The following SEMA5A variants were observed in gnomAD, a reference collection of about 807,000 sequenced individuals.
SEMA5A encodes the protein semaphorin 5A.
In SEMA5A, 55 loss-of-function variants were observed where a neutral mutation model predicts 135.5. That is an observed-to-expected ratio of 0.41 (90% confidence interval 0.33 to 0.51). The LOEUF (loss-of-function observed/expected upper bound fraction) is 0.51. SEMA5A is among the 20% of genes least tolerant of loss of function. The pLI, the probability that SEMA5A is intolerant of heterozygous loss-of-function variation, is 0.37. For synonymous variants in SEMA5A, 580 were observed against 546.5 expected (o/e 1.06, Z -0.85); for missense variants, 1,290 against 1,419.9 (o/e 0.91, Z 1.47).
chr5:9,069,459 T>G (rs1561122183), intron 16 of SEMA5A, among the ~76,000 whole-genome samples: 1 of 152,226 alleles, frequency 6.6e-6, no homozygotes, highest in East Asian at 1.9e-4. Context: ...ACTGTATTAG[T>G]ATGTTTCCAG....
intron 2 of SEMA5A, among the ~76,000 whole-genome samples, chr5:9,436,820 T>C (rs911984119): frequency 2.6e-5 from 4 of 152,186 alleles, no homozygotes; most frequent in African/African-American, 9.6e-5. Flanking sequence ...CTTCCTCTCT[T>C]CTAGCCTTCC....
At chr5:9,541,885 T>C (rs1738113875) in intron 1 of SEMA5A, among the ~76,000 whole-genome samples, 1 of 152,222 alleles carries the variant, frequency 6.6e-6, no homozygotes. Flanking sequence ...ACCTTTTAGA[T>C]GGCAAAGACT....
chr5:9,138,326 A>G (rs1448384570), intron 12 of SEMA5A, among the ~76,000 whole-genome samples: 1 of 152,180 alleles, frequency 6.6e-6, no homozygotes, highest in Non-Finnish European at 1.5e-5. Context: ...CATACATATA[A>G]GCATGCTTGT....
chr5:9,514,430 A>G (rs568050763), intron 1 of SEMA5A, among the ~76,000 whole-genome samples: 2 of 152,252 alleles, frequency 1.3e-5, no homozygotes, highest in South Asian at 4.1e-4. Flanking sequence ...CTTAATGTCA[A>G]TCATTTAGAA....
chr5:9,127,558 C>T (rs572390309), intron 13 of SEMA5A, among the ~76,000 whole-genome samples: 9 of 152,272 alleles, frequency 5.9e-5, no homozygotes, highest in African/African-American at 1.2e-4. Flanking sequence ...CACCCTGTAC[C>T]GACAAACTGA....
rs1024734009 is a variant in SEMA5A, at chr5:9,191,642, T to C, written c.1069-1171A>G. 4.6e-5 allele frequency among the ~76,000 whole-genome samples: 7 copies of C among 152,234 alleles called. No homozygotes were observed. The South Asian group carries it at 8.3e-4, about 18-fold the overall frequency. ...CTTTTTGAAAAGTAGATGAGATATTTGTATAGCATTTGATAAAATGCTCCA... is the reference window on the plus strand; with the variant it reads ...CTTTTTGAAAAGTAGATGAGATATTCGTATAGCATTTGATAAAATGCTCCA... On this transcript the variant is annotated intron_variant, in intron 10 of 22. Transcript: ENST00000382496.
At chr5:9,252,824 C>A (rs1561073709) in intron 5 of SEMA5A, among the ~76,000 whole-genome samples, 1 of 152,170 alleles carries the variant, frequency 6.6e-6, no homozygotes, top group African/African-American at 2.4e-5. Flanking sequence ...CAGCTCAGAG[C>A]AGGGACACCC....
At chr5:9,394,313 C>A (rs1258433203) in intron 2 of SEMA5A, among the ~76,000 whole-genome samples, 1 of 152,146 alleles carries the variant, frequency 6.6e-6, no homozygotes, top group Non-Finnish European at 1.5e-5. Flanking sequence ...CCAGCTCCCC[C>A]AAGAGTGGTA....
At chr5:9,352,094 C>CTGGG (rs1554023404) in intron 3 of SEMA5A, among the ~76,000 whole-genome samples, 1 of 132,252 alleles carries the variant, frequency 7.6e-6, no homozygotes, top group Non-Finnish European at 1.6e-5. Flanking sequence ...TGTAACAGGT[C>CTGGG]GGGGGGGTTA....
At chr5:9,434,194 AG>A (rs1757952453) in intron 2 of SEMA5A, among the ~76,000 whole-genome samples, 1 of 152,202 alleles carries the variant, frequency 6.6e-6, no homozygotes, top group Non-Finnish European at 1.5e-5. Flanking sequence ...CATTAAAACA[AG>A]GGTTTTTTCT....
At chr5:9,170,946 C>A (rs1235376390) in intron 11 of SEMA5A, among the ~76,000 whole-genome samples, 1 of 152,060 alleles carries the variant, frequency 6.6e-6, no homozygotes, top group Non-Finnish European at 1.5e-5. Context: ...CCTTCCTCGC[C>A]CCCAGACCTA....
At chr5:9,527,764 G>A (rs1048503844) in intron 1 of SEMA5A, among the ~76,000 whole-genome samples, 2 of 152,150 alleles carry the variant, frequency 1.3e-5, no homozygotes, top group African/African-American at 2.4e-5. Context: ...ATTGGACAAA[G>A]TGGGGCATGG....
chr5:9,430,722 A>T (rs1404872900), intron 2 of SEMA5A, among the ~76,000 whole-genome samples: 1 of 152,190 alleles, frequency 6.6e-6, no homozygotes, highest in Non-Finnish European at 1.5e-5. Flanking sequence ...GTGTTGGGTG[A>T]TCTTGACTAG....
intron 8 of SEMA5A, among the ~76,000 whole-genome samples, chr5:9,209,223 G>T (rs1414482233): frequency 6.6e-6 from 1 of 152,138 alleles, no homozygotes; most frequent in Non-Finnish European, 1.5e-5. Flanking sequence ...AAATGTTCTA[G>T]TTCAAAGTGA....
intron 1 of SEMA5A, among the ~76,000 whole-genome samples, chr5:9,469,715 ATCT>A (rs781112549): frequency 3.9e-5 from 6 of 152,144 alleles, no homozygotes; most frequent in Non-Finnish European, 8.8e-5. Flanking sequence ...ATTTTTTTTA[ATCT>A]TCTTCTTCCA....
intron 19 of SEMA5A, 32 bp downstream of exon 19, chr5:9,054,055 G>A (rs1474699377): frequency 1.3e-6 from 2 of 1,573,932 alleles, no homozygotes; most frequent in Non-Finnish European, 1.7e-6. Context: ...CAATTTGTCT[G>A]AAAGCTGTGC....
chr5:9,402,737 A>G lies in SEMA5A; in HGVS notation c.-77-22714T>C, dbSNP rs149800152. Reference sequence around the variant, plus strand: ...TCTCATCCTGCTTTTAATGTTCCCAATACACCATCAGAACTGTATTAAGGG... The same window carrying G: ...TCTCATCCTGCTTTTAATGTTCCCAGTACACCATCAGAACTGTATTAAGGG... On this transcript the variant is annotated intron_variant, in intron 2 of 22. Coordinates refer to ENST00000382496, the MANE Select transcript of SEMA5A (RefSeq NM_003966.3). 1.5e-3 allele frequency among the ~76,000 whole-genome samples: 228 copies of G among 152,336 alleles called. 1 individual carries two copies. Among genetic ancestry groups the G allele is most frequent in the African/African-American group, 4.8e-3 (200 of 41,566 alleles).
At position 9,470,711 on chromosome 5, in the gene SEMA5A, A is replaced by G. The variant is rs562420511; in HGVS notation, c.-174-32859T>C. Among the ~76,000 whole-genome samples the G allele has an allele frequency of 3.3e-5, 5 of 152,280 alleles. No homozygotes were observed. In the East Asian group the frequency reaches 9.7e-4, roughly 29 times the overall value. ...TATGCCATGTTCTCTTATTTCCCTA[A>G]CAGTGACCAGCAACTCTCAAGATGA... On this transcript the variant is annotated intron_variant, in intron 1 of 22. Coordinates refer to ENST00000382496, the MANE Select transcript of SEMA5A (RefSeq NM_003966.3).
chr5:9,519,432 C>G (rs979553461), intron 1 of SEMA5A, among the ~76,000 whole-genome samples: 1 of 152,194 alleles, frequency 6.6e-6, no homozygotes, highest in African/African-American at 2.4e-5. Context: ...GGTTGACAAG[C>G]AAGAAAAATC....
Sources: gnomAD v4.1 joint callset for allele counts (sites outside exome capture counted in the v4.1 genomes callset) on GRCh38, gnomAD v4.1.1 for gene constraint, MANE v1.5 for transcripts, NCBI Gene and HGNC (gene_info 2026-07-23, HGNC 2026-07-21) for gene names.